Variants in ADAMTS17 observed in about 807,000 individuals in gnomAD.
ADAMTS17 encodes A disintegrin and metalloproteinase with thrombospondin motifs 17.
A neutral mutation model predicts 141.5 loss-of-function variants in ADAMTS17; 113 were observed. The observed-to-expected ratio is 0.80, with a 90% CI of 0.69 to 0.93. The LOEUF (loss-of-function observed/expected upper bound fraction) is 0.93, where lower values mean the gene tolerates loss of function less well. Among genes scored for constraint, ADAMTS17 ranks in the 40% least tolerant of loss-of-function variants. The pLI is 0.00. For missense variants in ADAMTS17, 1,659 were observed against 1,517.9 expected, an observed-to-expected ratio of 1.09 and a Z score of -1.54; for synonymous variants, 768 against 630.6, an observed-to-expected ratio of 1.22 and a Z score of -3.27.
chr15:100,282,267 C>T (rs1339813367), intron 3 of ADAMTS17, among the ~76,000 whole-genome samples: 1 of 152,198 alleles, frequency 6.6e-6, no homozygotes, highest in Non-Finnish European at 1.5e-5. Flanking sequence ...TATATGGACA[C>T]ATCTCTGCTA....
intron 18 of ADAMTS17, among the ~76,000 whole-genome samples, chr15:100,040,246 C>G (rs1241920874): frequency 2.0e-5 from 3 of 152,224 alleles, no homozygotes; most frequent in Non-Finnish European, 2.9e-5. Context: ...AAACCCTCAG[C>G]AATTCCACAA....
chr15:100,234,491 A>C (rs34664588), intron 7 of ADAMTS17, among the ~76,000 whole-genome samples: 20,800 of 152,132 alleles, frequency 0.14, 1,533 homozygotes, highest in African/African-American at 0.16. Context: ...GACCTGTCTC[A>C]TTGGCCCCAT....
chr15:100,133,898 A>C (rs1038318994), intron 10 of ADAMTS17, among the ~76,000 whole-genome samples: 1 of 29,634 alleles, frequency 3.4e-5, no homozygotes, highest in Non-Finnish European at 1.5e-4. Context: ...TGAGCTGTGC[A>C]CAATTTTTTA....
At chr15:100,066,107 T>G (rs1177255746) in intron 15 of ADAMTS17, among the ~76,000 whole-genome samples, 2 of 152,238 alleles carry the variant, frequency 1.3e-5, no homozygotes, top group East Asian at 3.8e-4. Context: ...TGCCACATTT[T>G]CTTTATCCAG....
chr15:100,144,234 A>C (rs2038791840), intron 10 of ADAMTS17, among the ~76,000 whole-genome samples: 1 of 152,230 alleles, frequency 6.6e-6, no homozygotes, highest in African/African-American at 2.4e-5. Context: ...GATGTTGGCC[A>C]CAATTTACAT....
intron 7 of ADAMTS17, among the ~76,000 whole-genome samples, chr15:100,247,948 C>T (rs764793574): frequency 1.4e-4 from 22 of 152,192 alleles, no homozygotes; most frequent in Non-Finnish European, 2.9e-4. Flanking sequence ...GCACGTCTAC[C>T]AAGCTCCCCT....
rs2033742841 is a variant in ADAMTS17, at chr15:100,068,726, G to C, written c.2138-14672C>G. Among the ~76,000 whole-genome samples the C allele has an allele frequency of 2.6e-5, 4 of 152,156 alleles. No individual in the cohort carries two copies. In the South Asian group the frequency reaches 6.2e-4, roughly 24 times the overall value. ...AGAAGGAAAACTAACAAACAGAAAG[G>C]ATATCCACACCAAAACCCCATCTGT... is the stretch of plus-strand genomic sequence containing the variant. On this transcript the variant is annotated intron_variant, in intron 15 of 21. Coordinates refer to ENST00000268070, the MANE Select transcript of ADAMTS17 (RefSeq NM_139057.4).
Position 99,973,311 on chromosome 15 carries a change from C to T in ADAMTS17, c.*1091G>A, listed in dbSNP as rs1229011358. 6.6e-6 allele frequency: 1 copy of T among 152,258 alleles called. No individual in the cohort carries two copies. Among genetic ancestry groups the T allele is most frequent in the East Asian group, 1.9e-4 (1 of 5,188 alleles). 9.4% of individuals were successfully genotyped at this position (152,258 alleles called of 1,614,324 possible). Reference sequence around the variant, plus strand: ...AGTGCCAGCCAGATGGCGTTCCTCCCCTGGTCCTGGCACATCAGGCTGCTC... The same window carrying T: ...AGTGCCAGCCAGATGGCGTTCCTCCTCTGGTCCTGGCACATCAGGCTGCTC... On this transcript the variant is annotated 3_prime_UTR_variant, in exon 22 of 22. Coordinates refer to ENST00000268070, the MANE Select transcript of ADAMTS17 (RefSeq NM_139057.4).
rs1278457024 is a variant in ADAMTS17 at position 100,235,165 on chromosome 15, G to A, written c.1075+18971C>T. On this transcript the variant is annotated intron_variant, in intron 7 of 21. Coordinates refer to ENST00000268070, the MANE Select transcript of ADAMTS17 (RefSeq NM_139057.4). ...GAGGTGCTCGGGGAGAAACGGAAGG[G>A]AGAAATGGCCTTTATCAGAAGCCTC... Among the ~76,000 whole-genome samples, 2 of 152,164 alleles carry A rather than the reference G, an allele frequency of 1.3e-5. 1 individual carries two copies. The highest frequency in any genetic ancestry group is 4.8e-5 in the African/African-American group (2 of 41,418).
At chr15:100,116,151 A>C (rs905655883) in intron 13 of ADAMTS17, among the ~76,000 whole-genome samples, 5 of 151,298 alleles carry the variant, frequency 3.3e-5, no homozygotes, top group East Asian at 1.9e-4. Context: ...AAAAAAAAAA[A>C]AAAAAAACCC....
chr15:100,047,066 C>T (rs576175669), intron 18 of ADAMTS17, among the ~76,000 whole-genome samples: 19 of 152,008 alleles, frequency 1.2e-4, no homozygotes, highest in Admixed American at 4.6e-4. Flanking sequence ...TGAGGGTAGG[C>T]CTCTAAAATG....
intron 7 of ADAMTS17, among the ~76,000 whole-genome samples, chr15:100,210,723 T>C (rs1043091959): frequency 4.6e-5 from 7 of 152,184 alleles, no homozygotes; most frequent in African/African-American, 1.4e-4. Context: ...CCCAGCACCA[T>C]GGGAGGCCAA....
intron 10 of ADAMTS17, among the ~76,000 whole-genome samples, chr15:100,140,488 C>CATATATATATAT (rs60035034): frequency 0.011 from 1,317 of 124,936 alleles, 58 homozygotes; most frequent in Middle Eastern, 0.022. Context: ...CACATACATA[C>CATATATATATAT]ATATATATAT....
At chr15:100,153,451 G>A (rs2039285507) in intron 9 of ADAMTS17, among the ~76,000 whole-genome samples, 1 of 152,080 alleles carries the variant, frequency 6.6e-6, no homozygotes, top group Non-Finnish European at 1.5e-5. Flanking sequence ...GACCAGTCTG[G>A]CCAACATGGG....
At chr15:100,152,565 G>A (rs1190294171) in intron 10 of ADAMTS17, 47 bp downstream of exon 10, 4 of 1,608,752 alleles carry the variant, frequency 2.5e-6, no homozygotes, top group African/African-American at 2.7e-5. Context: ...CTGTGGGAGG[G>A]CTGGATCCAT....
chr15:100,210,416 A>G (rs2041763595), intron 7 of ADAMTS17, among the ~76,000 whole-genome samples: 1 of 152,010 alleles, frequency 6.6e-6, no homozygotes, highest in Admixed American at 6.5e-5. Context: ...TGAGGTACAT[A>G]TTGTTATTAT....
chr15:100,215,602 A>G (rs1284819292), intron 7 of ADAMTS17, among the ~76,000 whole-genome samples: 1 of 152,086 alleles, frequency 6.6e-6, no homozygotes, highest in Non-Finnish European at 1.5e-5. Flanking sequence ...TCTGGCTGAT[A>G]GTCAGGGAAG....
intron 15 of ADAMTS17, among the ~76,000 whole-genome samples, chr15:100,067,953 G>C (rs2033666479): frequency 1.3e-5 from 2 of 152,176 alleles, no homozygotes; most frequent in East Asian, 3.9e-4. Context: ...GCAGGGCGAG[G>C]CATCCCATCA....
chr15:100,293,738 C>T (rs1007987118), intron 3 of ADAMTS17, among the ~76,000 whole-genome samples: 3 of 152,314 alleles, frequency 2.0e-5, no homozygotes, highest in South Asian at 2.1e-4. Context: ...GACTAGACTA[C>T]GGGGACCCAA....
Sources: gnomAD v4.1 joint callset for allele counts (sites outside exome capture counted in the v4.1 genomes callset) on GRCh38, gnomAD v4.1.1 for gene constraint, MANE v1.5 for transcripts, NCBI Gene and HGNC (gene_info 2026-07-23, HGNC 2026-07-21) for gene names.